CDH4: variants seen among roughly 807,000 people sequenced by gnomAD.
The protein encoded by CDH4 is cadherin-4.
A neutral mutation model predicts 86.0 loss-of-function variants in CDH4; 33 were observed. The observed-to-expected ratio is 0.38, with a 90% CI of 0.29 to 0.51. CDH4 has a LOEUF of 0.51. CDH4 is among the 20% of genes least tolerant of loss of function. CDH4 has a pLI of 0.86. For missense variants in CDH4, 1,114 were observed against 1,307.4 expected, an observed-to-expected ratio of 0.85 and a Z score of 2.28; for synonymous variants, 555 against 549.4, an observed-to-expected ratio of 1.01 and a Z score of -0.14.
At chr20:61,756,986 C>T (rs940096106) in intron 3 of CDH4, among the ~76,000 whole-genome samples, 30 of 152,214 alleles carry the variant, frequency 2.0e-4, no homozygotes, top group African/African-American at 6.8e-4. Context: ...GACTGAAAAA[C>T]AGCAATTCTA....
intron 12 of CDH4, 22 bp from the exon 13 acceptor site, chr20:61,929,587 G>A (rs1374144635): frequency 1.3e-6 from 2 of 1,587,288 alleles, no homozygotes. Context: ...CTGGTTGAAT[G>A]TTTACTGTTG....
intron 2 of CDH4, among the ~76,000 whole-genome samples, chr20:61,399,412 G>A (rs1300362640): frequency 2.2e-5 from 1 of 45,226 alleles, no homozygotes; most frequent in African/African-American, 1.2e-4. Context: ...GATTACAGGC[G>A]TGAGCCACCG....
At chr20:61,398,378 G>C (rs1347840757) in intron 2 of CDH4, among the ~76,000 whole-genome samples, 1 of 152,234 alleles carries the variant, frequency 6.6e-6, no homozygotes, top group Non-Finnish European at 1.5e-5. Context: ...AGGGTGGATG[G>C]ACTCTGTGAG....
At chr20:61,825,205 C>T (rs755266468) in intron 4 of CDH4, among the ~76,000 whole-genome samples, 1 of 151,994 alleles carries the variant, frequency 6.6e-6, no homozygotes, top group East Asian at 1.9e-4. Flanking sequence ...GCCAGGAGTT[C>T]GAGACCAGCT....
chr20:61,896,679 C>T (rs1379543427), intron 8 of CDH4, among the ~76,000 whole-genome samples: 2 of 152,252 alleles, frequency 1.3e-5, no homozygotes, highest in Non-Finnish European at 2.9e-5. Flanking sequence ...ACACCTGCTT[C>T]TCTCTCTTGG....
intron 7 of CDH4, among the ~76,000 whole-genome samples, chr20:61,878,539 C>A (rs1984141825): frequency 1.3e-5 from 2 of 152,362 alleles, no homozygotes; most frequent in Non-Finnish European, 2.9e-5. Flanking sequence ...CAGCACGCAG[C>A]AGCCATGTCC....
chr20:61,755,780 A>G (rs1291067525), intron 3 of CDH4, among the ~76,000 whole-genome samples: 2 of 151,474 alleles, frequency 1.3e-5, no homozygotes, highest in Non-Finnish European at 2.9e-5. Context: ...ACATATACAC[A>G]CCACACACAC....
chr20:61,926,849 G>A (rs1052967078), intron 11 of CDH4, among the ~76,000 whole-genome samples: 18 of 152,214 alleles, frequency 1.2e-4, no homozygotes, highest in Admixed American at 1.0e-3. Flanking sequence ...CTCAAGCCTG[G>A]GCAATAGAGT....
At chr20:61,512,881 G>A (rs2085790331) in intron 2 of CDH4, among the ~76,000 whole-genome samples, 1 of 152,258 alleles carries the variant, frequency 6.6e-6, no homozygotes, top group African/African-American at 2.4e-5. Flanking sequence ...GGATGGATTT[G>A]TGATTGAGCT....
intron 2 of CDH4, among the ~76,000 whole-genome samples, chr20:61,256,814 C>A (rs1379193208): frequency 6.6e-6 from 1 of 152,258 alleles, no homozygotes; most frequent in Admixed American, 6.5e-5. Flanking sequence ...CGCATTGCTT[C>A]TCCTGCGCCT....
chr20:61,589,899 A>T (rs1276325686), intron 2 of CDH4, among the ~76,000 whole-genome samples: 3 of 151,744 alleles, frequency 2.0e-5, no homozygotes, highest in African/African-American at 7.3e-5. Context: ...CAGAGAACAG[A>T]TAATCAACAG....
chr20:61,487,134 T>G (rs2085601212), intron 2 of CDH4, among the ~76,000 whole-genome samples: 1 of 152,226 alleles, frequency 6.6e-6, no homozygotes, highest in Non-Finnish European at 1.5e-5. Flanking sequence ...GTGTAAGGTC[T>G]AGGTCCAGTT....
intron 2 of CDH4, among the ~76,000 whole-genome samples, chr20:61,492,133 TTGG>T (rs1485551086): frequency 1.3e-5 from 2 of 150,456 alleles, no homozygotes; most frequent in African/African-American, 2.4e-5. Flanking sequence ...ATTGTTAATG[TTGG>T]TGGTGTCGAT....
At chr20:61,840,257 C>T (rs1303288568) in intron 4 of CDH4, among the ~76,000 whole-genome samples, 1 of 152,152 alleles carries the variant, frequency 6.6e-6, no homozygotes, top group Non-Finnish European at 1.5e-5. Flanking sequence ...GGGGCCTTCC[C>T]GGTGGGTGGG....
chr20:61,565,390 G>GGGAGGTGGTGGTGGCGGTGCTCTT (rs2086288215), intron 2 of CDH4, among the ~76,000 whole-genome samples: 1 of 18,248 alleles, frequency 5.5e-5, no homozygotes, highest in Admixed American at 5.6e-4. Flanking sequence ...CTTGGTGATG[G>GGGAGGTGGTGGTGGCGGTGCTCTT]GGTGATGGTG....
chr20:61,872,802 G>A (rs1444641875), intron 6 of CDH4, among the ~76,000 whole-genome samples: 1 of 152,214 alleles, frequency 6.6e-6, no homozygotes, highest in Non-Finnish European at 1.5e-5. Flanking sequence ...CAGCAGTCAG[G>A]AGCTCACAGA....
intron 2 of CDH4, among the ~76,000 whole-genome samples, chr20:61,334,359 T>C (rs2084605274): frequency 6.6e-6 from 1 of 152,042 alleles, no homozygotes; most frequent in African/African-American, 2.4e-5. Flanking sequence ...CTCAGAGAGG[T>C]TAAACCGTCA....
chr20:61,472,385 A>G (rs776149674), intron 2 of CDH4, among the ~76,000 whole-genome samples: 9 of 152,166 alleles, frequency 5.9e-5, no homozygotes, highest in Non-Finnish European at 1.2e-4. Context: ...ATTGACAAGT[A>G]AAGACTTACT....
At chr20:61,565,065 G>GTGGTGCTCT (rs2086255112) in intron 2 of CDH4, among the ~76,000 whole-genome samples, 1 of 133,422 alleles carries the variant, frequency 7.5e-6, no homozygotes, top group Admixed American at 7.5e-5. Flanking sequence ...GGTGCTCTTG[G>GTGGTGCTCT]TGGTGGTGGT....
Sources: allele counts gnomAD v4.1 joint callset (sites outside exome capture counted in the v4.1 genomes callset), GRCh38; gene constraint gnomAD v4.1.1; transcripts MANE v1.5; gene names NCBI Gene and HGNC (gene_info 2026-07-23, HGNC 2026-07-21).